Variants in PHC2 observed in about 807,000 individuals in gnomAD.
The protein encoded by PHC2 is polyhomeotic-like protein 2.
Under a neutral mutation model 87.4 loss-of-function variants are expected in PHC2, and 29 were observed. The observed-to-expected ratio is 0.33, with a 90% CI of 0.25 to 0.45. The LOEUF is 0.45. Ranked by LOEUF, PHC2 falls within the 20% of genes least tolerant of loss-of-function variation. The pLI is 1.00. For synonymous variants in PHC2, 438 were observed against 461.7 expected (o/e 0.95, Z 0.66); for missense variants, 857 against 1,136.7 (o/e 0.75, Z 3.54).
At chr1:33,350,774 T>C (rs2148268649) in intron 9 of PHC2, among the ~76,000 whole-genome samples, 1 of 152,256 alleles carries the variant, frequency 6.6e-6, no homozygotes, top group African/African-American at 2.4e-5. Context: ...TATTTTACAT[T>C]CCCCGAATAT....
At chr1:33,409,481 GGT>G in intron 1 of PHC2, among the ~76,000 whole-genome samples, 1 of 152,008 alleles carries the variant, frequency 6.6e-6, no homozygotes, top group Non-Finnish European at 1.5e-5. Flanking sequence ...ATTACTTCGG[GGT>G]GCTAGGATAA....
Position 33,369,818 on chromosome 1 carries a change from T to C in PHC2, c.576+603A>G, listed in dbSNP as rs887723842. On this transcript the variant is annotated intron_variant, in intron 5 of 14. Coordinates refer to ENST00000683057, the MANE Select transcript of PHC2 (RefSeq NM_001385109.1). The surrounding 1 kb of genome is among the most constrained non-coding windows in gnomAD (Gnocchi z 4.7). Reference sequence around the variant, plus strand: ...ATGCTGCCATTTTCCCAGGGCATTCTCCTAAATCTTAGGGACCTGGTAGGC... The same window carrying C: ...ATGCTGCCATTTTCCCAGGGCATTCCCCTAAATCTTAGGGACCTGGTAGGC... 1.3e-5 allele frequency among the ~76,000 whole-genome samples: 2 copies of C among 152,044 alleles called. No homozygotes were observed. The highest frequency in any genetic ancestry group is 4.8e-5 in the African/African-American group (2 of 41,390).
chr1:33,340,990 G>C (rs182351520), intron 9 of PHC2, among the ~76,000 whole-genome samples: 77 of 152,120 alleles, frequency 5.1e-4, no homozygotes, highest in African/African-American at 1.7e-3. Context: ...AGTTAGAAAG[G>C]CCCTGAGTTT....
chr1:33,368,538 G>A lies in PHC2; in HGVS notation c.661C>T (p.Gln221Ter). The A allele has an allele frequency of 6.6e-7, 1 of 1,513,736 alleles. No individual in the cohort carries two copies. Among genetic ancestry groups the A allele is most frequent in the African/African-American group, 1.4e-5 (1 of 72,594 alleles). 93.8% of individuals were successfully genotyped at this position (1,513,736 alleles called of 1,614,324 possible). A position where few individuals can be genotyped will look rare whatever the true frequency, so the allele number is the denominator to read the frequency against. ...TCCCACAAGCATGGAGTCCTCACCT[G>A]GGCGGGGGTGGGGGGCCGGGCGGGG... ...GSPARPPTPA[Q>*]VQNLTLRTQQ... The change falls in exon 6 of 15, where the codon CAG becomes TAG. Residue 221 changes from glutamine to a stop codon, truncating the protein, a stop_gained and splice_region_variant. Transcript: ENST00000683057. LOFTEE classifies it high-confidence loss of function. This position sits in a 1 kb window ranked among gnomAD's most constrained non-coding sequence, Gnocchi z 6.6.
intron 1 of PHC2, among the ~76,000 whole-genome samples, chr1:33,376,659 G>A (rs923166682): frequency 7.2e-5 from 11 of 152,190 alleles, no homozygotes; most frequent in African/African-American, 1.2e-4. Flanking sequence ...GGCCGGGTGC[G>A]GTGGCTCATG....
chr1:33,330,659 G>T (rs531543140), intron 12 of PHC2, among the ~76,000 whole-genome samples: 12 of 152,182 alleles, frequency 7.9e-5, no homozygotes, highest in Non-Finnish European at 1.5e-4. Context: ...GAACACCTCT[G>T]TCTGGGACCT....
chr1:33,340,424 C>T (rs1174364183), intron 9 of PHC2, among the ~76,000 whole-genome samples: 4 of 152,154 alleles, frequency 2.6e-5, no homozygotes, highest in Non-Finnish European at 2.9e-5. Flanking sequence ...CTCTAGAAAC[C>T]GCCTCAGTGG....
chr1:33,374,007 C>T, intron 2 of PHC2, among the ~76,000 whole-genome samples: 1 of 152,162 alleles, frequency 6.6e-6, no homozygotes, highest in East Asian at 1.9e-4. Context: ...ACATGTTGCC[C>T]CCAGATTCCA....
intron 1 of PHC2, among the ~76,000 whole-genome samples, chr1:33,408,445 GTTTT>G (rs769069449): frequency 1.4e-5 from 1 of 69,072 alleles, no homozygotes; most frequent in East Asian, 5.2e-4. Flanking sequence ...GTTTTTAGTA[GTTTT>G]TTTGTTTTGT....
chr1:33,410,342 C>T (rs1362178855), intron 1 of PHC2, among the ~76,000 whole-genome samples: 1 of 152,172 alleles, frequency 6.6e-6, no homozygotes, highest in African/African-American at 2.4e-5. Flanking sequence ...CAGGAGAAGC[C>T]AGAGCCTCAC....
Position 33,329,265 on chromosome 1 carries a change from G to C in PHC2, c.2149-119C>G, listed in dbSNP as rs375690895. On this transcript the variant is annotated intron_variant, in intron 13 of 14. Transcript: ENST00000683057. The stretch of plus-strand genomic sequence containing the variant: ...CTACTACTACACATCTGAGTTCCCA[G>C]ATCTAACAGCATCTTCCATGCTGTC... 3.6e-5 allele frequency: 34 copies of C among 957,132 alleles called. No individual in the cohort carries two copies. In the African/African-American group the frequency reaches 4.3e-4, roughly 12 times the overall value. The allele number at this position is 957,132 out of a possible 1,614,324, so 59.3% of individuals were successfully genotyped here.
intron 1 of PHC2, among the ~76,000 whole-genome samples, chr1:33,401,367 T>C (rs1292621000): frequency 6.6e-6 from 1 of 152,068 alleles, no homozygotes; most frequent in African/African-American, 2.4e-5. Context: ...AAAATATATA[T>C]GGAAATGCAA....
chr1:33,379,242 T>C (rs1256540306), intron 1 of PHC2, among the ~76,000 whole-genome samples: 1 of 150,408 alleles, frequency 6.6e-6, no homozygotes. Context: ...TGGGCAAGCA[T>C]GCCTTTCCTT....
In PHC2 at chr1:33,330,166, G is replaced by C. The variant is rs1363155547; in HGVS notation, c.2053C>G (p.Arg685Gly). The change falls in exon 13 of 15, where the codon CGG becomes GGG. Residue 685 changes from arginine (R) to glycine (G), a missense_variant. Physicochemically the swap from Arg to Gly is moderately radical, Grantham distance 125 (BLOSUM62 -2). Coordinates refer to ENST00000683057, the MANE Select transcript of PHC2 (RefSeq NM_001385109.1). ...GCTCCTGCCTTCTGCAGCTTGCTCC[G>C]GTCTGAGTGGAAAAGTCCCACCCGT... is the stretch of plus-strand genomic sequence containing the variant. Reference protein sequence around the residue: ...TKRVGLFHSDRSKLQKAGAAT... With the variant: ...TKRVGLFHSDGSKLQKAGAAT... The C allele has an allele frequency of 3.1e-6, 5 of 1,614,152 alleles. No individual in the cohort carries two copies. In the South Asian group the frequency reaches 5.5e-5, roughly 18 times the overall value.
rs975685421 is a variant in PHC2, at chr1:33,368,552, G to A, written c.647C>T (p.Pro216Leu). The A allele has an allele frequency of 7.8e-6, 12 of 1,539,262 alleles. No individual in the cohort carries two copies. In the South Asian group the frequency reaches 1.3e-4, roughly 17 times the overall value. The change falls in exon 6 of 15, where the codon CCC becomes CTC. Residue 216 changes from proline to leucine, a missense_variant. Around this residue, in one of 3 missense-constraint regions of PHC2, gnomAD observed 832 missense variants for 1,081.8 expected, o/e 0.77. Transcript: ENST00000683057. This position sits in a 1 kb window ranked among gnomAD's most constrained non-coding sequence, Gnocchi z 6.6. The stretch of plus-strand genomic sequence containing the variant: ...AGTCCTCACCTGGGCGGGGGTGGGG[G>A]GCCGGGCGGGGGAGCCAGTGCCGAG... ...PELGTGSPARPPTPAQVQNLT... is the reference protein window; with the variant it reads ...PELGTGSPARLPTPAQVQNLT...
chr1:33,338,435 C>A (rs1240175046), intron 9 of PHC2, among the ~76,000 whole-genome samples: 1 of 152,156 alleles, frequency 6.6e-6, no homozygotes, highest in Non-Finnish European at 1.5e-5. Flanking sequence ...TATGAATATA[C>A]AAAGGTTCAC....
chr1:33,354,724 C>G (rs1341424282), intron 8 of PHC2, 114 bp downstream of exon 8: 25 of 1,371,184 alleles, frequency 1.8e-5, no homozygotes, highest in Non-Finnish European at 2.2e-5. Flanking sequence ...TTGGAATCCC[C>G]AAAGATGACT....
In PHC2 at chr1:33,349,783, C is replaced by CG; in HGVS notation, c.1558+4617dup. On this transcript the variant is annotated intron_variant, in intron 9 of 14. Transcript: ENST00000683057. This position sits in a 1 kb window ranked among gnomAD's most constrained non-coding sequence, Gnocchi z 4.2. ...CTGGCCGGCGTCAACAAAGGGCGGC[C>CG]GGGGCGCGAGGCCGGGACGGGGGCG... 1.0e-6 allele frequency: 1 copy of CG among 978,906 alleles called. No individual in the cohort carries two copies. 60.6% of individuals were successfully genotyped at this position (978,906 alleles called of 1,614,324 possible). A position where few individuals can be genotyped will look rare whatever the true frequency, so the allele number is the denominator to read the frequency against.
At position 33,354,532 on chromosome 1, in the gene PHC2, A is replaced by C. The variant is rs1378153704; in HGVS notation, c.1427T>G (p.Val476Gly). 5.0e-6 allele frequency: 8 copies of C among 1,614,072 alleles called. No individual in the cohort carries two copies. Among genetic ancestry groups the C allele is most frequent in the South Asian group, 2.2e-5 (2 of 91,070 alleles). The part of the protein sequence containing the change: ...QQCVPDDWKE[V>G]APGEKSVPET... ...AGGCACACTTTTCTCCCCTGGTGCC[A>C]CTTCTTTCCAGTCATCAGGGACACA... Residue 476 changes from valine to glycine, a missense_variant, in exon 9 of 15, where the codon GTG (valine) becomes GGG (glycine). Transcript: ENST00000683057.
Sources: gnomAD v4.1 joint callset for allele counts (sites outside exome capture counted in the v4.1 genomes callset) on GRCh38, gnomAD v4.1.1 for gene constraint, gnomAD v4.1.1 regional missense constraint, Gnocchi (gnomAD v3.1) non-coding constraint, MANE v1.5 for transcripts, NCBI Gene and HGNC (gene_info 2026-07-23, HGNC 2026-07-21) for gene names.